Variants in CRISPLD1 observed in about 807,000 individuals in gnomAD.
The protein encoded by CRISPLD1 is cysteine-rich secretory protein LCCL domain-containing 1.
In CRISPLD1, 60 loss-of-function variants were observed where a neutral mutation model predicts 77.5. That is an observed-to-expected ratio of 0.77 (90% confidence interval 0.63 to 0.96). The LOEUF (loss-of-function observed/expected upper bound fraction) is 0.96. Among genes scored for constraint, CRISPLD1 ranks in the 40% least tolerant of loss-of-function variants. The pLI is 0.00. For missense variants in CRISPLD1, 623 were observed against 615.8 expected, an observed-to-expected ratio of 1.01 and a Z score of -0.12; for synonymous variants, 195 against 200.1, an observed-to-expected ratio of 0.97 and a Z score of 0.22.
intron 2 of CRISPLD1, among the ~76,000 whole-genome samples, chr8:74,992,905 G>GTTTTGTTT (rs1812593602): frequency 1.7e-5 from 2 of 115,240 alleles, no homozygotes; most frequent in African/African-American, 6.8e-5. Flanking sequence ...AGAAATTATG[G>GTTTTGTTT]TTTTTTTTTT....
At chr8:74,991,809 A>G (rs1173125489) in intron 2 of CRISPLD1, among the ~76,000 whole-genome samples, 2 of 152,160 alleles carry the variant, frequency 1.3e-5, no homozygotes, top group African/African-American at 2.4e-5. Context: ...GACAGGTGTG[A>G]GCCACCAGAC....
At chr8:75,018,448 G>A (rs145788816) in intron 10 of CRISPLD1, among the ~76,000 whole-genome samples, 1,706 of 152,004 alleles carry the variant, frequency 0.011, 34 homozygotes, top group African/African-American at 0.039. Context: ...GTGCCACCAT[G>A]CCCAGCTAAT....
chr8:75,015,645 CA>C (rs1449086505), intron 6 of CRISPLD1, among the ~76,000 whole-genome samples: 1 of 152,124 alleles, frequency 6.6e-6, no homozygotes, highest in Non-Finnish European at 1.5e-5. Flanking sequence ...TGAACAATTG[CA>C]GCCCTTTTTT....
rs1404592161 is a variant in CRISPLD1, at chr8:74,984,698, TTTTGGACGCTTTGCCTGCCA to T, written c.-281_-262del. On this transcript the variant is annotated 5_prime_UTR_variant, in exon 1 of 15. Coordinates refer to ENST00000262207, the MANE Select transcript of CRISPLD1 (RefSeq NM_031461.6). The stretch of plus-strand genomic sequence containing the variant: ...CTTCCCACCCCAACTGCAGGTCTAA[TTTTGGACGCTTTGCCTGCCA>T]TTTCTTCCAGGTTGAGGGAGCCGCA... 6.6e-6 allele frequency: 1 copy of T among 152,264 alleles called. No individual in the cohort carries two copies. Among genetic ancestry groups the T allele is most frequent in the Non-Finnish European group, 1.5e-5 (1 of 68,106 alleles). The allele number at this position is 152,264 out of a possible 1,614,324, so 9.4% of individuals were successfully genotyped here.
At chr8:75,022,712 T>C (rs1288813542) in intron 12 of CRISPLD1, among the ~76,000 whole-genome samples, 2 of 152,110 alleles carry the variant, frequency 1.3e-5, no homozygotes, top group African/African-American at 2.4e-5. Flanking sequence ...TTTTAGAATT[T>C]CATATGACTT....
At chr8:75,026,374 G>A (rs2128788550) in intron 13 of CRISPLD1, 1 of 152,536 alleles carries the variant, frequency 6.6e-6, no homozygotes, top group South Asian at 2.1e-4. Context: ...CAGGTTTTTA[G>A]TGTTGGTTGC....
Position 74,995,764 on chromosome 8 carries a change from AT to A in CRISPLD1, c.258+9526del, listed in dbSNP as rs145389416. On this transcript the variant is annotated intron_variant, in intron 2 of 14. Coordinates refer to ENST00000262207, the MANE Select transcript of CRISPLD1 (RefSeq NM_031461.6). ...TAGGAAAATGTAATTTCTTTGCATA[AT>A]TTTTTTGCAAATTATGCCTCTATTT... Among the ~76,000 whole-genome samples, 105 of 152,196 alleles carry A rather than the reference AT, an allele frequency of 6.9e-4. 1 individual carries two copies. The South Asian group carries it at 0.021, about 30-fold the overall frequency.
At chr8:75,013,854 GA>G (rs1812979143) in intron 4 of CRISPLD1, 132 bp from the exon 5 acceptor site, 1 of 618,334 alleles carries the variant, frequency 1.6e-6, no homozygotes. Flanking sequence ...GACCCTTTTT[GA>G]TTTGATCTCA....
At chr8:74,985,425 C>G (rs996787444) in intron 1 of CRISPLD1, among the ~76,000 whole-genome samples, 1 of 152,124 alleles carries the variant, frequency 6.6e-6, no homozygotes, top group African/African-American at 2.4e-5. Context: ...AACATTCACT[C>G]TCAATTTTAG....
chr8:75,001,320 G>A (rs939116431), intron 2 of CRISPLD1, among the ~76,000 whole-genome samples: 3 of 152,088 alleles, frequency 2.0e-5, no homozygotes, highest in African/African-American at 7.2e-5. Flanking sequence ...GGATTTCAGT[G>A]ACTTTCTGAG....
chr8:75,012,464 A>G lies in CRISPLD1; in HGVS notation c.290A>G (p.Glu97Gly), dbSNP rs1480578454. The G allele has an allele frequency of 1.9e-6, 3 of 1,613,010 alleles. No individual in the cohort carries two copies. The highest frequency in any genetic ancestry group is 2.5e-6 in the Non-Finnish European group (3 of 1,179,262). ...TWDVELERSAESWAESCLWEH... is the reference protein window; with the variant it reads ...TWDVELERSAGSWAESCLWEH... ...GATGTAGAGCTGGAAAGATCTGCAG[A>G]ATCCTGGGCTGAAAGTTGCTTGTGG... Residue 97 changes from glutamate to glycine, a missense_variant, in exon 3 of 15, where the codon GAA becomes GGA. By Grantham distance (98) the Glu-to-Gly change is moderately conservative. Coordinates refer to ENST00000262207, the MANE Select transcript of CRISPLD1 (RefSeq NM_031461.6).
intron 2 of CRISPLD1, among the ~76,000 whole-genome samples, chr8:74,986,918 A>T (rs1373074443): frequency 6.6e-6 from 1 of 152,212 alleles, no homozygotes; most frequent in East Asian, 1.9e-4. Context: ...GACTACTAGC[A>T]TATAACTCAT....
Position 75,016,802 on chromosome 8 carries a change from T to A in CRISPLD1, c.869-79T>A, listed in dbSNP as rs534302312. On this transcript the variant is annotated intron_variant, in intron 7 of 14. Transcript: ENST00000262207. ...TTGAACATTTTTAGAATGGAAAAAA[T>A]TTTGTCATTAGGCTATATATAATGA... is the stretch of plus-strand genomic sequence containing the variant. 23 of 1,539,814 alleles carry A rather than the reference T, an allele frequency of 1.5e-5. 1 individual carries two copies. The Middle Eastern group carries it at 5.3e-4, about 35-fold the overall frequency.
intron 14 of CRISPLD1, among the ~76,000 whole-genome samples, chr8:75,030,157 C>G (rs1050128634): frequency 6.6e-6 from 1 of 151,908 alleles, no homozygotes; most frequent in African/African-American, 2.4e-5. Context: ...ATTAAAAGTC[C>G]TATTTATTTG....
intron 2 of CRISPLD1, among the ~76,000 whole-genome samples, chr8:75,002,083 G>A (rs1374958467): frequency 6.6e-6 from 1 of 151,966 alleles, no homozygotes; most frequent in East Asian, 1.9e-4. Flanking sequence ...TTAGTTAATT[G>A]TGTAAGAATT....
At position 75,014,889 on chromosome 8, in the gene CRISPLD1, G is replaced by C; in HGVS notation, c.704G>C (p.Cys235Ser). Residue 235 changes from cysteine (C) to serine (S), a missense_variant, in exon 6 of 15, where the codon TGT becomes TCT. Coordinates refer to ENST00000262207, the MANE Select transcript of CRISPLD1 (RefSeq NM_031461.6). ...SACPPSFGGG[C>S]RENLCYKEGS... ...TGCCCACCTAGTTTTGGAGGGGGCT[G>C]TAGAGAAAATCTGTGCTACAAAGGT... is the stretch of plus-strand genomic sequence containing the variant. 1.3e-6 allele frequency: 2 copies of C among 1,572,930 alleles called. No individual in the cohort carries two copies. Among genetic ancestry groups the C allele is most frequent in the Non-Finnish European group, 1.7e-6 (2 of 1,166,318 alleles).
At chr8:75,013,902 C>G in intron 4 of CRISPLD1, 85 bp from the exon 5 acceptor site, 1 of 880,046 alleles carries the variant, frequency 1.1e-6, no homozygotes, top group South Asian at 1.4e-5. Context: ...TTCTCACATT[C>G]AAATTTTATG....
chr8:75,018,882 A>G (rs1045406570), intron 10 of CRISPLD1, among the ~76,000 whole-genome samples: 1 of 152,202 alleles, frequency 6.6e-6, no homozygotes, highest in South Asian at 2.1e-4. Context: ...GTGAGCCACC[A>G]CACTTGGCCT....
intron 2 of CRISPLD1, among the ~76,000 whole-genome samples, chr8:75,009,955 T>C (rs1410139644): frequency 1.3e-5 from 2 of 152,144 alleles, no homozygotes; most frequent in African/African-American, 4.8e-5. Flanking sequence ...ATGCCTGTAA[T>C]TGGCAAATAA....
Sources: gnomAD v4.1 joint callset for allele counts (sites outside exome capture counted in the v4.1 genomes callset) on GRCh38, gnomAD v4.1.1 for gene constraint, MANE v1.5 for transcripts, NCBI Gene and HGNC (gene_info 2026-07-23, HGNC 2026-07-21) for gene names.